Variants in PLCE1 observed in about 807,000 individuals in gnomAD.
The protein encoded by PLCE1 is 1-phosphatidylinositol 4,5-bisphosphate phosphodiesterase epsilon-1.
Under a neutral mutation model 242.8 loss-of-function variants are expected in PLCE1, and 119 were observed. That is an observed-to-expected ratio of 0.49 (90% CI 0.42 to 0.57). PLCE1 has a LOEUF of 0.57. PLCE1 is among the 20% of genes least tolerant of loss of function. The probability of loss-of-function intolerance (pLI) is 0.00; values close to 1 mark genes in which losing one functional copy is unlikely to be tolerated. For synonymous variants in PLCE1, 945 were observed against 1,017.4 expected (o/e 0.93, Z 1.35); for missense variants, 2,441 against 2,788.8 (o/e 0.88, Z 2.81).
intron 23 of PLCE1, among the ~76,000 whole-genome samples, chr10:94,295,020 A>G (rs1451328176): frequency 7.0e-6 from 1 of 143,212 alleles, no homozygotes; most frequent in Non-Finnish European, 1.5e-5. Flanking sequence ...GGTTCACGCC[A>G]TTCTCCTGCC....
chr10:94,089,458 T>A (rs1393117881), intron 2 of PLCE1: 3 of 1,117,920 alleles, frequency 2.7e-6, no homozygotes, highest in East Asian at 4.8e-5. Context: ...CTAGCACCAT[T>A]GTGCAGTGTT....
chr10:94,237,195 G>A (rs1016734509), intron 7 of PLCE1, among the ~76,000 whole-genome samples: 1 of 152,130 alleles, frequency 6.6e-6, no homozygotes, highest in Non-Finnish European at 1.5e-5. Context: ...TTAAGGCTAG[G>A]ATACATCAGA....
Position 94,227,377 on chromosome 10 carries a change from T to A in PLCE1, c.1881T>A (p.Tyr627Ter). The change falls in exon 5 of 33, where the codon TAT (tyrosine) becomes TAA (stop). Residue 627 changes from tyrosine to a stop codon, truncating the protein, a stop_gained. Transcript: ENST00000371380. LOFTEE classifies it high-confidence loss of function. ...SMEEKREVFS[Y>*]LVHVAKCCWN... is the part of the protein sequence containing the mutation. Reference sequence around the variant, plus strand: ...AGGAGAAGCGAGAAGTCTTTTCATATTTGGTGCATGTGGCCAAATGCTGCT... The same window carrying A: ...AGGAGAAGCGAGAAGTCTTTTCATAATTGGTGCATGTGGCCAAATGCTGCT... 1 of 1,614,024 alleles carries A rather than the reference T, an allele frequency of 6.2e-7. No individual in the cohort carries two copies. Among genetic ancestry groups the A allele is most frequent in the South Asian group, 1.1e-5 (1 of 91,070 alleles).
At chr10:94,302,227 A>G (rs1427201575) in intron 24 of PLCE1, among the ~76,000 whole-genome samples, 1 of 152,116 alleles carries the variant, frequency 6.6e-6, no homozygotes, top group African/African-American at 2.4e-5. Context: ...ACCAAGTTAG[A>G]TTTCAGTTAA....
intron 27 of PLCE1, among the ~76,000 whole-genome samples, 177 bp from the exon 28 acceptor site, chr10:94,313,077 C>A (rs1335148320): frequency 6.6e-6 from 1 of 151,998 alleles, no homozygotes; most frequent in Non-Finnish European, 1.5e-5. Context: ...TATGAAATAC[C>A]CTCACTAAAT....
At chr10:94,220,857 G>A (rs1055370498) in intron 4 of PLCE1, among the ~76,000 whole-genome samples, 3 of 152,174 alleles carry the variant, frequency 2.0e-5, no homozygotes, top group African/African-American at 7.2e-5. Flanking sequence ...TCAGGGGCAC[G>A]CACAGGAAAC....
intron 4 of PLCE1, among the ~76,000 whole-genome samples, chr10:94,180,219 C>T (rs528674919): frequency 1.6e-4 from 25 of 152,214 alleles, no homozygotes; most frequent in African/African-American, 5.8e-4. Context: ...CCATTTTCCT[C>T]GCAATAGGAT....
At chr10:94,127,305 C>T (rs1210924814) in intron 2 of PLCE1, among the ~76,000 whole-genome samples, 1 of 152,116 alleles carries the variant, frequency 6.6e-6, no homozygotes, top group Admixed American at 6.6e-5. Context: ...TCTCATGCAT[C>T]TGTGGCAGCA....
At chr10:94,282,633 CA>C (rs1363967553) in intron 20 of PLCE1, among the ~76,000 whole-genome samples, 1 of 152,146 alleles carries the variant, frequency 6.6e-6, no homozygotes, top group Non-Finnish European at 1.5e-5. Context: ...CATTGTTCCA[CA>C]GTCAAAATAT....
chr10:93,996,136 C>T (rs1376705933), intron 1 of PLCE1, among the ~76,000 whole-genome samples: 1 of 152,100 alleles, frequency 6.6e-6, no homozygotes, highest in African/African-American at 2.4e-5. Flanking sequence ...TGTGTGTGCG[C>T]GCGCGTGTGT....
rs1327803856 is a variant in PLCE1 at position 94,304,640 on chromosome 10, TTAACTG to T, written c.5621_5622+4del. 5 of 1,613,884 alleles carry T rather than the reference TTAACTG, an allele frequency of 3.1e-6. No homozygotes were observed. The highest frequency in any genetic ancestry group is 1.3e-5 in the African/African-American group (1 of 74,916). The stretch of plus-strand genomic sequence containing the variant: ...CAGCATGGATCCTGCAGTCTATTCT[TTAACTG>T]TAAGTACGGCCCCTAGAGAAAGAAC... On this transcript the variant is annotated splice_donor_variant and coding_sequence_variant, in exon 25 of 33. Coordinates refer to ENST00000371380, the MANE Select transcript of PLCE1 (RefSeq NM_016341.4). LOFTEE classifies it high-confidence loss of function.
intron 1 of PLCE1, among the ~76,000 whole-genome samples, chr10:94,016,237 A>T (rs1404925879): frequency 1.3e-5 from 2 of 151,886 alleles, no homozygotes; most frequent in Admixed American, 1.3e-4. Context: ...ATATTATTAT[A>T]TATTATTATA....
intron 17 of PLCE1, among the ~76,000 whole-genome samples, chr10:94,269,944 T>A (rs1023355917): frequency 2.0e-5 from 3 of 152,228 alleles, no homozygotes; most frequent in African/African-American, 7.2e-5. Context: ...GAAGGAATAT[T>A]ATTTTTATTT....
At chr10:94,202,964 G>C (rs2049030410) in intron 4 of PLCE1, among the ~76,000 whole-genome samples, 1 of 152,100 alleles carries the variant, frequency 6.6e-6, no homozygotes, top group Non-Finnish European at 1.5e-5. Context: ...TTATTGTCTG[G>C]CTTCAATAGT....
chr10:94,289,244 C>T (rs944005312), intron 22 of PLCE1, among the ~76,000 whole-genome samples: 4 of 152,090 alleles, frequency 2.6e-5, no homozygotes, highest in African/African-American at 9.7e-5. Context: ...TGAGGCCCTG[C>T]AGAGCATGGC....
At chr10:94,237,901 T>C (rs1278062997) in intron 7 of PLCE1, among the ~76,000 whole-genome samples, 1 of 152,200 alleles carries the variant, frequency 6.6e-6, no homozygotes, top group Admixed American at 6.5e-5. Context: ...TTTGTTGATC[T>C]GGCTGAAACA....
chr10:94,248,344 G>C (rs935194268), intron 8 of PLCE1, among the ~76,000 whole-genome samples: 8 of 152,210 alleles, frequency 5.3e-5, no homozygotes, highest in Admixed American at 3.3e-4. Context: ...GCTTATGCCT[G>C]TAATCACAGC....
chr10:94,280,843 G>T (rs992287340), intron 20 of PLCE1, among the ~76,000 whole-genome samples: 42 of 152,160 alleles, frequency 2.8e-4, no homozygotes, highest in Non-Finnish European at 1.3e-4. Context: ...AATTTGAGTT[G>T]TCTCCAGTCA....
At chr10:94,220,374 TTTTATATATATATA>T (rs1250441015) in intron 4 of PLCE1, among the ~76,000 whole-genome samples, 7 of 38,416 alleles carry the variant, frequency 1.8e-4, no homozygotes, top group African/African-American at 5.2e-4. Flanking sequence ...AAACTAAACA[TTTTATATATATATA>T]TATATATATA....
Sources: gnomAD v4.1 joint callset for allele counts (sites outside exome capture counted in the v4.1 genomes callset) on GRCh38, gnomAD v4.1.1 for gene constraint, MANE v1.5 for transcripts, NCBI Gene and HGNC (gene_info 2026-07-23, HGNC 2026-07-21) for gene names.